Variants in TMTC1 observed in about 807,000 individuals in gnomAD.
TMTC1 encodes protein O-mannosyl-transferase TMTC1.
TMTC1 carries 73 observed loss-of-function variants against 104.8 expected under a neutral mutation model. The observed-to-expected ratio is 0.70, with a 90% CI of 0.58 to 0.85. The LOEUF (loss-of-function observed/expected upper bound fraction) is 0.85, where lower values mean the gene tolerates loss of function less well. TMTC1 is among the 40% of genes least tolerant of loss of function. The pLI is 0.00. For missense variants in TMTC1, 1,035 were observed against 1,096.1 expected, an observed-to-expected ratio of 0.94 and a Z score of 0.79; for synonymous variants, 434 against 428.7, an observed-to-expected ratio of 1.01 and a Z score of -0.15.
chr12:29,540,032 T>C (rs1303851200), intron 10 of TMTC1, among the ~76,000 whole-genome samples: 5 of 152,180 alleles, frequency 3.3e-5, no homozygotes, highest in Admixed American at 3.3e-4. Context: ...TGTATACATA[T>C]GTATCACCTT....
intron 9 of TMTC1, among the ~76,000 whole-genome samples, chr12:29,562,921 C>T: frequency 6.6e-6 from 1 of 152,294 alleles, no homozygotes; most frequent in Non-Finnish European, 1.5e-5. Flanking sequence ...TCCTTCCTCA[C>T]ATGGATTTTT....
At chr12:29,640,929 C>T (rs1216807403) in intron 5 of TMTC1, 1 of 152,196 alleles carries the variant, frequency 6.6e-6, no homozygotes, top group African/African-American at 2.4e-5. Context: ...ACCAGCCCTT[C>T]GGTTTGTGTG....
chr12:29,752,168 C>CAA (rs1444890191), intron 4 of TMTC1, among the ~76,000 whole-genome samples: 1 of 151,992 alleles, frequency 6.6e-6, no homozygotes, highest in African/African-American at 2.4e-5. Flanking sequence ...CACACTTCTT[C>CAA]ACCCCTCACC....
intron 8 of TMTC1, among the ~76,000 whole-genome samples, chr12:29,582,173 A>C (rs1043029275): frequency 6.6e-6 from 1 of 152,242 alleles, no homozygotes; most frequent in Non-Finnish European, 1.5e-5. Flanking sequence ...AGTAAAATCA[A>C]ACACATTATT....
chr12:29,768,242 T>A (rs1012636327), intron 1 of TMTC1, among the ~76,000 whole-genome samples, 167 bp from the exon 2 acceptor site: 4 of 152,188 alleles, frequency 2.6e-5, no homozygotes, highest in African/African-American at 4.8e-5. Context: ...TGTATCACAT[T>A]TTTCCTATTT....
chr12:29,760,501 T>C (rs1943318898), intron 2 of TMTC1, among the ~76,000 whole-genome samples: 1 of 152,172 alleles, frequency 6.6e-6, no homozygotes, highest in Non-Finnish European at 1.5e-5. Flanking sequence ...TATTTACTAA[T>C]TATTAAATGA....
chr12:29,768,825 T>TA (rs1310549642), intron 1 of TMTC1, among the ~76,000 whole-genome samples: 1 of 152,148 alleles, frequency 6.6e-6, no homozygotes, highest in Non-Finnish European at 1.5e-5. Context: ...CTCAACATCT[T>TA]AAAAAAATAC....
chr12:29,736,303 A>G (rs557995486), intron 5 of TMTC1, among the ~76,000 whole-genome samples: 1 of 152,040 alleles, frequency 6.6e-6, no homozygotes, highest in Non-Finnish European at 1.5e-5. Flanking sequence ...GTATGACTCA[A>G]TAGGAATATG....
chr12:29,623,048 T>A (rs7959535), intron 6 of TMTC1, among the ~76,000 whole-genome samples: 78,404 of 152,126 alleles, frequency 0.52, 22,515 homozygotes, highest in African/African-American at 0.78. Context: ...AAGTAAAACA[T>A]CTACTCTTTG....
At chr12:29,660,961 C>T in intron 5 of TMTC1, 1 of 788,794 alleles carries the variant, frequency 1.3e-6, no homozygotes, top group Non-Finnish European at 1.8e-6. Context: ...GGTGAAGACG[C>T]TGCAGCTCTG....
intron 8 of TMTC1, among the ~76,000 whole-genome samples, chr12:29,575,349 ACT>A (rs1303338255): frequency 6.6e-6 from 1 of 152,026 alleles, no homozygotes; most frequent in Non-Finnish European, 1.5e-5. Flanking sequence ...TAATGCACTA[ACT>A]CTCTCAGATT....
intron 5 of TMTC1, among the ~76,000 whole-genome samples, chr12:29,711,280 C>T (rs1026985823): frequency 7.2e-5 from 11 of 151,976 alleles, no homozygotes; most frequent in Non-Finnish European, 1.5e-4. Flanking sequence ...CACAGGGCTA[C>T]AGTTAATGTT....
chr12:29,677,403 G>A (rs1208597157), intron 5 of TMTC1, among the ~76,000 whole-genome samples: 1 of 152,096 alleles, frequency 6.6e-6, no homozygotes, highest in Non-Finnish European at 1.5e-5. Context: ...AATATGCATA[G>A]AAGCACAAGC....
At chr12:29,740,145 C>G (rs1942786553) in intron 5 of TMTC1, among the ~76,000 whole-genome samples, 1 of 152,152 alleles carries the variant, frequency 6.6e-6, no homozygotes, top group Admixed American at 6.5e-5. Flanking sequence ...TCCCAGGTAG[C>G]TGAAACCACA....
intron 5 of TMTC1, among the ~76,000 whole-genome samples, chr12:29,684,631 T>C (rs1941033218): frequency 6.6e-6 from 1 of 152,166 alleles, no homozygotes; most frequent in Non-Finnish European, 1.5e-5. Flanking sequence ...CTTCAGAAAA[T>C]ACACTGATCA....
At chr12:29,679,040 C>G (rs1940825145) in intron 5 of TMTC1, among the ~76,000 whole-genome samples, 1 of 152,082 alleles carries the variant, frequency 6.6e-6, no homozygotes, top group East Asian at 1.9e-4. Flanking sequence ...CTGGATACAA[C>G]CTAAATATCT....
chr12:29,516,338 T>C lies in TMTC1; in HGVS notation c.2307+11A>G. 6.2e-7 allele frequency: 1 copy of C among 1,610,802 alleles called. No individual in the cohort carries two copies. The highest frequency in any genetic ancestry group is 8.5e-7 in the Non-Finnish European group (1 of 1,178,160). On this transcript the variant is annotated intron_variant, in intron 15 of 17. Coordinates refer to ENST00000539277, the MANE Select transcript of TMTC1 (RefSeq NM_001193451.2). ...TGAATCCAAAGAACTCTAAACAATGTCCTTCTTTACCTTGTCGTGGTTCTC... is the reference window on the plus strand; with the variant it reads ...TGAATCCAAAGAACTCTAAACAATGCCCTTCTTTACCTTGTCGTGGTTCTC...
chr12:29,627,534 C>A (rs1938065279), intron 6 of TMTC1, among the ~76,000 whole-genome samples: 1 of 152,178 alleles, frequency 6.6e-6, no homozygotes, highest in Non-Finnish European at 1.5e-5. Context: ...GGTACAGCCA[C>A]TACGGAAGTT....
At chr12:29,725,318 C>T (rs774322005) in intron 5 of TMTC1, among the ~76,000 whole-genome samples, 2 of 151,770 alleles carry the variant, frequency 1.3e-5, no homozygotes, top group African/African-American at 2.4e-5. Context: ...TGAGCCACCA[C>T]GCCTGGCCTG....
Sources: gnomAD v4.1 joint callset for allele counts (sites outside exome capture counted in the v4.1 genomes callset) on GRCh38, gnomAD v4.1.1 for gene constraint, MANE v1.5 for transcripts, NCBI Gene and HGNC (gene_info 2026-07-23, HGNC 2026-07-21) for gene names.